The following RHBDL3 variants were observed in gnomAD, a reference collection of about 807,000 sequenced individuals.
The protein encoded by RHBDL3 is rhomboid like 3, also known as rhomboid-related protein 3.
In RHBDL3, 28 loss-of-function variants were observed where a neutral mutation model predicts 48.2. That is an observed-to-expected ratio of 0.58 (90% CI 0.43 to 0.80). The LOEUF (loss-of-function observed/expected upper bound fraction) is 0.80, where lower values mean the gene tolerates loss of function less well. RHBDL3 is among the 30% of genes least tolerant of loss of function. The probability of loss-of-function intolerance (pLI) is 0.00; values close to 1 mark genes in which losing one functional copy is unlikely to be tolerated. For synonymous variants in RHBDL3, 208 were observed against 232.3 expected (o/e 0.90, Z 0.95); for missense variants, 464 against 542.7 (o/e 0.85, Z 1.44).
chr17:32,298,820 T>A lies in RHBDL3; in HGVS notation c.781+616T>A, dbSNP rs143451656. ...TGAGCCCTGGCTCCATCTGAAGGCA[T>A]CTGGGCCTCCAGCTGAGTGGGCACA... is the stretch of plus-strand genomic sequence containing the variant. On this transcript the variant is annotated intron_variant, in intron 6 of 8. Transcript: ENST00000269051. 3.0e-3 allele frequency among the ~76,000 whole-genome samples: 451 copies of A among 152,336 alleles called. 1 individual carries two copies. Among genetic ancestry groups the A allele is most frequent in the African/African-American group, 1.0e-2 (415 of 41,574 alleles).
rs562007193 is a variant in RHBDL3, at chr17:32,276,148, C to T, written c.135+8223C>T. Among the ~76,000 whole-genome samples, 5 of 152,044 alleles carry T rather than the reference C, an allele frequency of 3.3e-5. No homozygotes were observed. The South Asian group carries it at 1.0e-3, about 32-fold the overall frequency. On this transcript the variant is annotated intron_variant, in intron 2 of 8. Transcript: ENST00000269051. ...AAAAAAACAAAACAAATGTGAAAGT[C>T]AGTATTTTAAAGAGTCAGGGGAAAA...
chr17:32,292,764 T>G (rs1005413352), intron 4 of RHBDL3, among the ~76,000 whole-genome samples: 2 of 135,044 alleles, frequency 1.5e-5, no homozygotes, highest in African/African-American at 5.8e-5. Flanking sequence ...ATCACGCCAC[T>G]GCACTCCAGC....
rs2040256597 is a variant in RHBDL3, at chr17:32,288,776, T to TC, written c.295-14dup. On this transcript the variant is annotated splice_polypyrimidine_tract_variant and intron_variant, in intron 3 of 8. Coordinates refer to ENST00000269051, the MANE Select transcript of RHBDL3 (RefSeq NM_138328.3). ...GCCCCAGCTCTGACCCTCTCCCCAC[T>TC]CCATTTCCTGCACAGATGAGCAACA... 6.3e-7 allele frequency: 1 copy of TC among 1,594,076 alleles called. No homozygotes were observed. The highest frequency in any genetic ancestry group is 1.1e-5 in the South Asian group (1 of 89,650).
intron 2 of RHBDL3, chr17:32,280,565 G>C (rs2040018858): frequency 6.6e-6 from 1 of 152,236 alleles, no homozygotes; most frequent in South Asian, 2.1e-4. Context: ...CAGCTTCGCA[G>C]CAAGGGAAGC....
intron 3 of RHBDL3, among the ~76,000 whole-genome samples, chr17:32,287,188 A>AT (rs2040217363): frequency 6.6e-6 from 1 of 152,168 alleles, no homozygotes; most frequent in South Asian, 2.1e-4. Flanking sequence ...AGCACTGGGC[A>AT]TGTGAGGGAC....
chr17:32,268,362 A>T (rs984411707), intron 2 of RHBDL3, among the ~76,000 whole-genome samples: 1 of 152,148 alleles, frequency 6.6e-6, no homozygotes, highest in Non-Finnish European at 1.5e-5. Context: ...GCTGACTCAC[A>T]GTATGGACTC....
chr17:32,290,039 C>A (rs2040291079), intron 4 of RHBDL3, among the ~76,000 whole-genome samples: 1 of 152,146 alleles, frequency 6.6e-6, no homozygotes. Flanking sequence ...CTGTGCTGGT[C>A]TATTTATTAA....
intron 7 of RHBDL3, among the ~76,000 whole-genome samples, chr17:32,309,278 C>T (rs1352129667): frequency 2.6e-5 from 4 of 151,656 alleles, no homozygotes; most frequent in East Asian, 3.9e-4. Flanking sequence ...TTGGGCTGGG[C>T]GCGGTGGCTC....
intron 4 of RHBDL3, among the ~76,000 whole-genome samples, chr17:32,291,453 G>A (rs1035154814): frequency 1.3e-5 from 2 of 151,988 alleles, no homozygotes; most frequent in South Asian, 2.1e-4. Flanking sequence ...AGGCCGAGGC[G>A]GGTGGGTCAT....
At chr17:32,314,392 T>C (rs539638859) in intron 7 of RHBDL3, among the ~76,000 whole-genome samples, 4 of 151,598 alleles carry the variant, frequency 2.6e-5, no homozygotes, top group South Asian at 2.1e-4. Context: ...TTTATTTTTA[T>C]TTTTTTTGAG....
At chr17:32,305,249 T>C in intron 6 of RHBDL3, 92 bp from the exon 7 acceptor site, 1 of 844,150 alleles carries the variant, frequency 1.2e-6, no homozygotes, top group Non-Finnish European at 2.1e-6. Context: ...TCTGGAGTCT[T>C]AGCACGGAGC....
chr17:32,267,401 G>A (rs575394097), intron 1 of RHBDL3, among the ~76,000 whole-genome samples: 14 of 146,364 alleles, frequency 9.6e-5, no homozygotes, highest in Middle Eastern at 3.4e-3. Flanking sequence ...CAGGCAAAAT[G>A]TTAGTGTTTA....
chr17:32,273,031 G>A (rs988930152), intron 2 of RHBDL3, among the ~76,000 whole-genome samples: 2 of 152,136 alleles, frequency 1.3e-5, no homozygotes, highest in East Asian at 1.9e-4. Context: ...ACATAGTTTC[G>A]CTCTTGTTGC....
chr17:32,316,397 A>C, intron 8 of RHBDL3, 105 bp downstream of exon 8: 2 of 813,566 alleles, frequency 2.5e-6, no homozygotes, highest in South Asian at 3.2e-5. Flanking sequence ...AAGAAAAAAA[A>C]AGTGGGACAT....
In RHBDL3 at chr17:32,298,221, C is replaced by G. The variant is rs376591114; in HGVS notation, c.781+17C>G. ...TTGTGGCAGGTAGGCAGGTAGGCCC[C>G]GTGTCCACAAAGGCACACTGCCCCA... is the stretch of plus-strand genomic sequence containing the variant. On this transcript the variant is annotated intron_variant, in intron 6 of 8. Coordinates refer to ENST00000269051, the MANE Select transcript of RHBDL3 (RefSeq NM_138328.3). 61 of 1,564,578 alleles carry G rather than the reference C, an allele frequency of 3.9e-5. 1 individual carries two copies. The African/African-American group carries it at 6.3e-4, about 16-fold the overall frequency.
In RHBDL3 at chr17:32,321,745, C is replaced by T. The variant is rs2041139536; in HGVS notation, c.*516C>T. ...TCCAGTAAGAAGAGGGCCTACTGGACATGTCAGCTGTGACCTGGCTGAAAC... is the reference window on the plus strand; with the variant it reads ...TCCAGTAAGAAGAGGGCCTACTGGATATGTCAGCTGTGACCTGGCTGAAAC... On this transcript the variant is annotated 3_prime_UTR_variant, in exon 9 of 9. Transcript: ENST00000269051. The T allele has an allele frequency of 4.3e-6, 1 of 234,852 alleles. No individual in the cohort carries two copies. The highest frequency in any genetic ancestry group is 6.3e-5 in the South Asian group (1 of 15,796). 14.5% of individuals were successfully genotyped at this position (234,852 alleles called of 1,614,324 possible).
intron 7 of RHBDL3, among the ~76,000 whole-genome samples, chr17:32,314,082 G>A (rs2040912247): frequency 6.6e-6 from 1 of 151,626 alleles, no homozygotes; most frequent in South Asian, 2.1e-4. Context: ...TCCATTGTAT[G>A]TATATATCAG....
Position 32,303,535 on chromosome 17 carries a change from T to C in RHBDL3, c.782-1806T>C, listed in dbSNP as rs374210961. On this transcript the variant is annotated intron_variant, in intron 6 of 8. Transcript: ENST00000269051. ...AAAAAGCAAAAGCAAAAGAAAGTTA[T>C]CTGACAATAGATCAATACCTAATTA... is the stretch of plus-strand genomic sequence containing the variant. Among the ~76,000 whole-genome samples the C allele has an allele frequency of 2.1e-3, 323 of 152,320 alleles. 1 individual carries two copies. In the South Asian group the frequency reaches 0.029, roughly 14 times the overall value.
At chr17:32,284,374 A>G (rs894975181) in intron 2 of RHBDL3, 6 of 339,968 alleles carry the variant, frequency 1.8e-5, no homozygotes, top group African/African-American at 1.3e-4. Context: ...TTTCATTCGC[A>G]CTTCCCTCTC....
Sources: allele counts gnomAD v4.1 joint callset (sites outside exome capture counted in the v4.1 genomes callset), GRCh38; gene constraint gnomAD v4.1.1; transcripts MANE v1.5; gene names NCBI Gene and HGNC (gene_info 2026-07-23, HGNC 2026-07-21).